METTL22: variants seen among roughly 807,000 people sequenced by gnomAD.
METTL22 encodes the protein methyltransferase 22, Kin17 lysine.
A neutral mutation model predicts 48.4 loss-of-function variants in METTL22; 51 were observed. The observed-to-expected ratio is 1.05, with a 90% CI of 0.84 to 1.33. The LOEUF (loss-of-function observed/expected upper bound fraction) is 1.33. METTL22 is among the 40% of genes most tolerant of loss of function. METTL22 has a pLI of 0.00. For missense variants in METTL22, 678 were observed against 526.9 expected (o/e 1.29, Z -2.81); for synonymous variants, 255 against 214.1 (o/e 1.19, Z -1.67).
At position 8,641,130 on chromosome 16, in the gene METTL22, G is replaced by C. The variant is rs915480574; in HGVS notation, c.773-1G>C. ...AGTTCTCTTTTTGTTTGTTTTTACA[G>C]GTGGTATAGTTAGGGTCAAAGAACT... On this transcript the variant is annotated splice_acceptor_variant, in intron 6 of 10. Transcript: ENST00000381920. LOFTEE classifies it high-confidence loss of function. 1 of 1,613,730 alleles carries C rather than the reference G, an allele frequency of 6.2e-7. No individual in the cohort carries two copies. Among genetic ancestry groups the C allele is most frequent in the Non-Finnish European group, 8.5e-7 (1 of 1,179,844 alleles).
downstream of METTL22, among the ~76,000 whole-genome samples, chr16:8,651,877 G>C (rs1423963539): frequency 1.3e-5 from 2 of 152,142 alleles, no homozygotes; most frequent in African/African-American, 2.4e-5. Flanking sequence ...GATGGGGGAC[G>C]AGGAGGGAGA....
At chr16:8,629,150 A>G in intron 3 of METTL22, 40 bp downstream of exon 3, 1 of 1,586,962 alleles carries the variant, frequency 6.3e-7, no homozygotes. Flanking sequence ...TCACCAAGGC[A>G]ACTCCGCAGT....
intron 2 of METTL22, among the ~76,000 whole-genome samples, chr16:8,626,915 C>T (rs947505390): frequency 2.0e-4 from 30 of 151,198 alleles, no homozygotes; most frequent in Non-Finnish European, 3.2e-4. Flanking sequence ...TACAGGCACC[C>T]GCCACCACGC....
chr16:8,636,382 A>C (rs528501967), intron 5 of METTL22, among the ~76,000 whole-genome samples: 11 of 152,256 alleles, frequency 7.2e-5, no homozygotes, highest in African/African-American at 2.6e-4. Flanking sequence ...TAAAAATACA[A>C]GAATTAACCA....
chr16:8,662,970 G>A, the METTL22 span, among the ~76,000 whole-genome samples: 9 of 145,062 alleles, frequency 6.2e-5, no homozygotes, highest in Non-Finnish European at 1.2e-4. Flanking sequence ...CACTTTGGGA[G>A]GCTGAAGCGG....
At chr16:8,622,168 G>C (rs1401471094) in intron 1 of METTL22, among the ~76,000 whole-genome samples, 1 of 152,200 alleles carries the variant, frequency 6.6e-6, no homozygotes, top group Non-Finnish European at 1.5e-5. Flanking sequence ...GCCAGGCCAC[G>C]TCTTTCCTGC....
chr16:8,640,228 T>C (rs932285457), intron 6 of METTL22, among the ~76,000 whole-genome samples: 5 of 152,188 alleles, frequency 3.3e-5, no homozygotes, highest in African/African-American at 1.2e-4. Flanking sequence ...TCAGCAGAGC[T>C]GGGAGGATGG....
intron 9 of METTL22, among the ~76,000 whole-genome samples, chr16:8,643,506 CT>C (rs2056687521): frequency 6.6e-6 from 1 of 152,224 alleles, no homozygotes; most frequent in African/African-American, 2.4e-5. Context: ...CTGGCATTTG[CT>C]TTTTAATAAC....
intron 3 of METTL22, among the ~76,000 whole-genome samples, chr16:8,632,629 A>T (rs1731054): frequency 0.83 from 126,750 of 152,306 alleles, 53,559 homozygotes; most frequent in East Asian, 1. Context: ...GACCACCTCA[A>T]TGGTTCTCAG....
intron 5 of METTL22, 25 bp from the exon 6 acceptor site, chr16:8,639,066 T>C (rs1184261481): frequency 3.1e-6 from 5 of 1,613,642 alleles, no homozygotes; most frequent in African/African-American, 2.7e-5. Flanking sequence ...GCTGGCACTT[T>C]ATGGCTTGCC....
intron 3 of METTL22, chr16:8,632,254 C>T (rs2056288409): frequency 6.6e-6 from 1 of 152,222 alleles, no homozygotes; most frequent in Non-Finnish European, 1.5e-5. Flanking sequence ...TGTTCTCTCC[C>T]TTATCAATTC....
At chr16:8,632,404 C>G (rs1027839682) in intron 3 of METTL22, among the ~76,000 whole-genome samples, 1 of 152,204 alleles carries the variant, frequency 6.6e-6, no homozygotes, top group Non-Finnish European at 1.5e-5. Flanking sequence ...TCACTTTGCA[C>G]TTCGTTACCC....
intron 1 of METTL22, among the ~76,000 whole-genome samples, chr16:8,625,255 G>C (rs997824870): frequency 1.9e-4 from 29 of 152,074 alleles, no homozygotes; most frequent in African/African-American, 7.0e-4. Context: ...GCAAAATGGT[G>C]AGGATCATTG....
chr16:8,622,217 C>T (rs866548844), intron 1 of METTL22, among the ~76,000 whole-genome samples: 4 of 152,354 alleles, frequency 2.6e-5, no homozygotes, highest in Middle Eastern at 3.4e-3. Context: ...TCCCCAGCTC[C>T]TGGCCTAAAT....
intron 10 of METTL22, 126 bp from the exon 11 acceptor site, chr16:8,645,982 A>AGATCGCCT (rs1567248893): frequency 5.0e-4 from 629 of 1,268,444 alleles, no homozygotes; most frequent in Admixed American, 1.1e-3. Flanking sequence ...CTCCTGCCCC[A>AGATCGCCT]GCTCGCCTGC....
At position 8,637,662 on chromosome 16, in the gene METTL22, G is replaced by C. The variant is rs375427788; in HGVS notation, c.701-1429G>C. On this transcript the variant is annotated intron_variant, in intron 5 of 10. Transcript: ENST00000381920. ...TGCTGGCCCACAGGGCAGTGTGCTT[G>C]TCACGTGGTGGAATTTCAGATTGTG... Among the ~76,000 whole-genome samples, 56 of 152,338 alleles carry C rather than the reference G, an allele frequency of 3.7e-4. 1 individual carries two copies. The highest frequency in any genetic ancestry group is 1.3e-3 in the African/African-American group (55 of 41,566).
chr16:8,664,864 C>T, the METTL22 span, among the ~76,000 whole-genome samples: 2 of 145,878 alleles, frequency 1.4e-5, no homozygotes, highest in East Asian at 2.0e-4. Context: ...CCTAGAGCAG[C>T]CCGCACCTGA....
intron 3 of METTL22, among the ~76,000 whole-genome samples, chr16:8,633,708 T>A (rs2056336150): frequency 6.6e-6 from 1 of 152,240 alleles, no homozygotes; most frequent in Admixed American, 6.5e-5. Flanking sequence ...CCCAGCCACC[T>A]TTTCCTCATC....
rs201074748 is a variant in METTL22 at position 8,644,682 on chromosome 16, C to A, written c.1136C>A (p.Ala379Asp). 7.5e-6 allele frequency: 12 copies of A among 1,604,814 alleles called. No homozygotes were observed. The Admixed American group carries it at 1.7e-4, about 23-fold the overall frequency. The change falls in exon 10 of 11, where the codon GCC (alanine) becomes GAC (aspartate). Residue 379 changes from alanine to aspartate, a missense_variant. Transcript: ENST00000381920. ...KLRFVVEPVE[A>D]SFPQLLVYER... The stretch of plus-strand genomic sequence containing the variant: ...CGCTTCGTGGTGGAGCCCGTGGAGG[C>A]CTCCTTCCCACAGCTCCTGGTTTAC...
Sources: gnomAD v4.1 joint callset for allele counts (sites outside exome capture counted in the v4.1 genomes callset) on GRCh38, gnomAD v4.1.1 for gene constraint, MANE v1.5 for transcripts, NCBI Gene and HGNC (gene_info 2026-07-23, HGNC 2026-07-21) for gene names.